Variants in MIB1 observed in about 807,000 individuals in gnomAD.
MIB1 encodes the protein MIB E3 ubiquitin protein ligase 1.
In MIB1, 278 loss-of-function variants were observed where a neutral mutation model predicts 124.5. The observed-to-expected ratio is 2.23, with a 90% CI of 2.02 to 2.47. The LOEUF is 2.47. MIB1 is among the 30% of genes most tolerant of loss of function. The probability of loss-of-function intolerance (pLI) is 0.00; values close to 1 mark genes in which losing one functional copy is unlikely to be tolerated. For synonymous variants in MIB1, 446 were observed against 429.4 expected (o/e 1.04, Z -0.48); for missense variants, 957 against 1,254.4 (o/e 0.76, Z 3.58).
chr18:21,779,335 T>A, intron 5 of MIB1, 146 bp from the exon 6 acceptor site: 1 of 648,510 alleles, frequency 1.5e-6, no homozygotes, highest in Non-Finnish European at 2.7e-6. Context: ...AGTTCTAAAA[T>A]TTTATACTTA....
chr18:21,843,587 G>A (rs187071416), intron 14 of MIB1, among the ~76,000 whole-genome samples: 5 of 152,230 alleles, frequency 3.3e-5, no homozygotes, highest in South Asian at 2.1e-4. Context: ...AACACTGTTC[G>A]TATTTATTGT....
At chr18:21,749,459 T>C (rs943009288) in intron 1 of MIB1, among the ~76,000 whole-genome samples, 3 of 152,216 alleles carry the variant, frequency 2.0e-5, no homozygotes, top group Non-Finnish European at 2.9e-5. Flanking sequence ...TGTGTATACA[T>C]ACCTTTGTGT....
At chr18:21,807,821 G>GT (rs756801454) in intron 10 of MIB1, among the ~76,000 whole-genome samples, 7 of 151,980 alleles carry the variant, frequency 4.6e-5, no homozygotes, top group Non-Finnish European at 7.4e-5. Context: ...AAAGTGATTT[G>GT]TTTTTTTATC....
intron 10 of MIB1, among the ~76,000 whole-genome samples, chr18:21,806,822 C>T (rs921812152): frequency 2.6e-5 from 4 of 151,366 alleles, no homozygotes; most frequent in African/African-American, 9.7e-5. Flanking sequence ...ATGGTTTCAC[C>T]GTGTTAGCCA....
At chr18:21,762,212 G>T (rs1002257293) in intron 1 of MIB1, among the ~76,000 whole-genome samples, 1 of 152,126 alleles carries the variant, frequency 6.6e-6, no homozygotes, top group Non-Finnish European at 1.5e-5. Flanking sequence ...TCTATAGAAG[G>T]CACTTACAGA....
intron 20 of MIB1, among the ~76,000 whole-genome samples, chr18:21,859,790 G>C (rs975756739): frequency 1.3e-5 from 2 of 148,382 alleles, no homozygotes; most frequent in African/African-American, 5.0e-5. Context: ...TCTGGTGGCT[G>C]AGTCAGGAGA....
intron 1 of MIB1, among the ~76,000 whole-genome samples, chr18:21,753,683 C>T (rs1332750280): frequency 1.3e-5 from 2 of 151,170 alleles, no homozygotes; most frequent in South Asian, 2.1e-4. Flanking sequence ...TTCTTTCTTT[C>T]GTTTTTTTTT....
chr18:21,810,216 T>TA (rs889714593), intron 10 of MIB1, among the ~76,000 whole-genome samples: 8 of 152,052 alleles, frequency 5.3e-5, no homozygotes, highest in Admixed American at 6.5e-5. Flanking sequence ...CATTGAAAAC[T>TA]ACAAAATATT....
intron 6 of MIB1, among the ~76,000 whole-genome samples, chr18:21,790,728 A>G (rs954315744): frequency 6.6e-6 from 1 of 152,208 alleles, no homozygotes; most frequent in Non-Finnish European, 1.5e-5. Context: ...TTTGTGTGAA[A>G]TGGAACTTTT....
chr18:21,854,435 G>C (rs1305741967), intron 18 of MIB1, among the ~76,000 whole-genome samples: 2 of 152,096 alleles, frequency 1.3e-5, no homozygotes, highest in Non-Finnish European at 2.9e-5. Context: ...CGTCAGATTT[G>C]GCCCTCAGGT....
intron 3 of MIB1, among the ~76,000 whole-genome samples, 200 bp from the exon 4 acceptor site, chr18:21,773,424 T>G (rs541337200): frequency 6.6e-6 from 1 of 152,356 alleles, no homozygotes; most frequent in South Asian, 2.1e-4. Flanking sequence ...AGAAATTACC[T>G]TATAATTCTG....
At chr18:21,857,311 C>CT (rs1369148667) in intron 19 of MIB1, 68 bp downstream of exon 19, 2 of 906,220 alleles carry the variant, frequency 2.2e-6, no homozygotes, top group African/African-American at 3.2e-5. Flanking sequence ...CACCTCTTCT[C>CT]TTTCGTAATA....
Position 21,768,692 on chromosome 18 carries a change from G to T in MIB1, c.471G>T (p.Val157=). The T allele has an allele frequency of 6.2e-7, 1 of 1,610,068 alleles. No individual in the cohort carries two copies. The highest frequency in any genetic ancestry group is 1.1e-5 in the South Asian group (1 of 90,112). ...GAGGAATCTTTGCAGGTGCCAGAGT[G>T]GTGCGAGGAGTGGACTGGCAGTGGG... ...TARGIFAGAR[V]VRGVDWQWED... The change falls in exon 3 of 21, where the codon GTG becomes GTT. Residue 157 remains valine (V), a synonymous_variant. Transcript: ENST00000261537.
At chr18:21,783,150 G>T (rs1341650351) in intron 6 of MIB1, among the ~76,000 whole-genome samples, 1 of 151,554 alleles carries the variant, frequency 6.6e-6, no homozygotes, top group Non-Finnish European at 1.5e-5. Flanking sequence ...CTTTCAGTCT[G>T]CATGTGTCTT....
chr18:21,725,790 G>GGAAT (rs1234077508), intron 1 of MIB1, among the ~76,000 whole-genome samples: 33 of 77,498 alleles, frequency 4.3e-4, no homozygotes, highest in African/African-American at 2.8e-3. Flanking sequence ...AGAGAGGGAA[G>GGAAT]GAAGGAAGGA....
intron 1 of MIB1, among the ~76,000 whole-genome samples, chr18:21,716,980 C>T (rs1196823875): frequency 2.0e-5 from 3 of 152,244 alleles, no homozygotes; most frequent in South Asian, 2.1e-4. Context: ...AATCTGGAGG[C>T]ATCACATTAT....
intron 13 of MIB1, among the ~76,000 whole-genome samples, chr18:21,842,633 A>C (rs2042101709): frequency 6.6e-6 from 1 of 152,172 alleles, no homozygotes; most frequent in South Asian, 2.1e-4. Flanking sequence ...TTATGTACGA[A>C]TTAAGCATTA....
chr18:21,789,854 A>G (rs1298244164), intron 6 of MIB1, among the ~76,000 whole-genome samples: 1 of 152,144 alleles, frequency 6.6e-6, no homozygotes, highest in East Asian at 1.9e-4. Flanking sequence ...GCTAATAACC[A>G]TTTGGACTAA....
intron 3 of MIB1, among the ~76,000 whole-genome samples, chr18:21,769,390 T>C (rs2041200386): frequency 6.6e-6 from 1 of 152,188 alleles, no homozygotes; most frequent in Non-Finnish European, 1.5e-5. Flanking sequence ...GTATCCACAG[T>C]TGAATAAAAA....
Sources: allele counts gnomAD v4.1 joint callset (sites outside exome capture counted in the v4.1 genomes callset), GRCh38; gene constraint gnomAD v4.1.1; transcripts MANE v1.5; gene names NCBI Gene and HGNC (gene_info 2026-07-23, HGNC 2026-07-21).